The following WNK1 variants were observed in gnomAD, a reference collection of about 807,000 sequenced individuals.
WNK1 encodes WNK lysine deficient protein kinase 1, also known as serine/threonine-protein kinase WNK1.
In WNK1, 38 loss-of-function variants were observed where a neutral mutation model predicts 222.8. The ratio of observed to expected loss-of-function variants is 0.17; its 90% confidence interval spans 0.13 to 0.22. WNK1 has a LOEUF of 0.22. Ranked by LOEUF, WNK1 falls within the 10% of genes least tolerant of loss-of-function variation. The pLI is 1.00. For missense variants in WNK1, 2,348 were observed against 2,918.4 expected (o/e 0.80, Z 4.50); for synonymous variants, 1,090 against 1,092.9 (o/e 1.00, Z 0.05).
At chr12:850,344 CT>C (rs1950328467) in intron 4 of WNK1, among the ~76,000 whole-genome samples, 1 of 152,000 alleles carries the variant, frequency 6.6e-6, no homozygotes, top group African/African-American at 2.4e-5. Flanking sequence ...TTTCATGTGT[CT>C]TTTGGCTGCA....
chr12:758,894 A>C (rs1236821116), intron 1 of WNK1, among the ~76,000 whole-genome samples: 1 of 147,478 alleles, frequency 6.8e-6, no homozygotes, highest in African/African-American at 2.4e-5. Context: ...GTGTAAAACA[A>C]ACCAGGAATC....
chr12:792,491 CT>C (rs1657590165), intron 1 of WNK1, among the ~76,000 whole-genome samples: 1 of 151,286 alleles, frequency 6.6e-6, no homozygotes, highest in Admixed American at 6.6e-5. Flanking sequence ...TTTTTTTGTA[CT>C]TTTAGTAGAT....
intron 1 of WNK1, among the ~76,000 whole-genome samples, chr12:767,466 T>G (rs1941907932): frequency 6.6e-6 from 1 of 151,730 alleles, no homozygotes; most frequent in South Asian, 2.1e-4. Flanking sequence ...TTGGTCGGGC[T>G]GGTCTCAAAC....
intron 4 of WNK1, among the ~76,000 whole-genome samples, chr12:831,293 T>G (rs1045457801): frequency 1.3e-5 from 2 of 151,994 alleles, no homozygotes; most frequent in Non-Finnish European, 2.9e-5. Flanking sequence ...ATCTCAGCAC[T>G]TTGGGAGGCC....
chr12:906,794 C>T (rs529422395), intron 26 of WNK1: 8 of 965,946 alleles, frequency 8.3e-6, no homozygotes, highest in East Asian at 2.3e-4. Context: ...AATCCCAGCA[C>T]TTTGGGAGGC....
At chr12:815,096 TG>T (rs1341247915) in intron 2 of WNK1, among the ~76,000 whole-genome samples, 1 of 152,168 alleles carries the variant, frequency 6.6e-6, no homozygotes, top group Non-Finnish European at 1.5e-5. Context: ...TAAATACAGA[TG>T]AAGCTTTGCT....
Position 863,566 on chromosome 12 carries a change from A to T in WNK1, c.2139+1296A>T, listed in dbSNP as rs561596275. Among the ~76,000 whole-genome samples, 144 of 151,552 alleles carry T rather than the reference A, an allele frequency of 9.5e-4. 2 individuals carry two copies. The highest frequency in any genetic ancestry group is 7.7e-3 in the South Asian group (37 of 4,816). Reference sequence around the variant, plus strand: ...AGATTTTGCTAAGACTTTTTTTTTAAAATTTTCTCTTGTCTATACTCATCA... The same window carrying T: ...AGATTTTGCTAAGACTTTTTTTTTATAATTTTCTCTTGTCTATACTCATCA... On this transcript the variant is annotated intron_variant, in intron 8 of 27. Transcript: ENST00000315939.
chr12:824,630 C>CA (rs1948200047), intron 2 of WNK1, among the ~76,000 whole-genome samples: 1 of 151,018 alleles, frequency 6.6e-6, no homozygotes, highest in South Asian at 2.1e-4. Flanking sequence ...AAAGGATAAA[C>CA]AGGTTTTCTG....
chr12:791,761 G>A (rs1944865665), intron 1 of WNK1, among the ~76,000 whole-genome samples: 1 of 152,014 alleles, frequency 6.6e-6, no homozygotes, highest in Admixed American at 6.5e-5. Flanking sequence ...TATAAATGAT[G>A]CCCTTTCTTG....
chr12:822,443 T>C (rs1947981645), intron 2 of WNK1, among the ~76,000 whole-genome samples: 1 of 152,124 alleles, frequency 6.6e-6, no homozygotes, highest in East Asian at 1.9e-4. Flanking sequence ...TTGCTCCTTA[T>C]CTCCTTCATT....
At chr12:880,257 A>G (rs1953024763) in intron 11 of WNK1, among the ~76,000 whole-genome samples, 1 of 152,240 alleles carries the variant, frequency 6.6e-6, no homozygotes, top group South Asian at 2.1e-4. Flanking sequence ...CTCAGTATTC[A>G]CTGTAAGCTG....
intron 4 of WNK1, among the ~76,000 whole-genome samples, chr12:844,115 T>A (rs1565508112): frequency 6.6e-6 from 1 of 152,148 alleles, no homozygotes; most frequent in Non-Finnish European, 1.5e-5. Flanking sequence ...TTGTTGCTTT[T>A]TAAAAATTTT....
chr12:777,914 C>A (rs189781854), intron 1 of WNK1, among the ~76,000 whole-genome samples: 1 of 152,112 alleles, frequency 6.6e-6, no homozygotes, highest in African/African-American at 2.4e-5. Context: ...AAGCTTCATG[C>A]GGTAAATGTG....
At chr12:754,377 G>C (rs920763847) in intron 1 of WNK1, 53 bp downstream of exon 1, 6 of 1,610,136 alleles carry the variant, frequency 3.7e-6, no homozygotes, top group Non-Finnish European at 4.2e-6. Flanking sequence ...AATTTGGCTC[G>C]GCGAAGCCAG....
intron 1 of WNK1, among the ~76,000 whole-genome samples, chr12:783,454 A>G (rs1943932428): frequency 6.7e-6 from 1 of 149,506 alleles, no homozygotes; most frequent in Non-Finnish European, 1.5e-5. Flanking sequence ...GGAGTTTGAG[A>G]CCAGGCTAGG....
chr12:846,732 T>G lies in WNK1; in HGVS notation c.1312-10429T>G, dbSNP rs72648638. 2.8e-3 allele frequency among the ~76,000 whole-genome samples: 420 copies of G among 152,322 alleles called. 2 individuals carry two copies. Among genetic ancestry groups the G allele is most frequent in the African/African-American group, 9.6e-3 (398 of 41,574 alleles). On this transcript the variant is annotated intron_variant, in intron 4 of 27. Coordinates refer to ENST00000315939, the MANE Select transcript of WNK1 (RefSeq NM_018979.4). ...GATTGCAAGGTTTGAACATTTTGTC[T>G]GGGAAAAAACAGAACTAAAGCCATT... is the stretch of plus-strand genomic sequence containing the variant.
At chr12:906,915 G>A (rs952579689) in intron 26 of WNK1, 4 of 222,044 alleles carry the variant, frequency 1.8e-5, no homozygotes, top group African/African-American at 9.4e-5. Context: ...CATACGTCTA[G>A]TCCCAAGCTA....
intron 8 of WNK1, 88 bp downstream of exon 8, chr12:862,358 C>A: frequency 7.3e-7 from 1 of 1,362,998 alleles, no homozygotes; most frequent in Non-Finnish European, 1.0e-6. Context: ...AACCAAGTAA[C>A]AGTATGAGTC....
At chr12:775,602 A>G (rs150669268) in intron 1 of WNK1, among the ~76,000 whole-genome samples, 1 of 152,246 alleles carries the variant, frequency 6.6e-6, no homozygotes, top group African/African-American at 2.4e-5. Flanking sequence ...AGTCCTAGCT[A>G]TAGTTCAAGG....
Sources: allele counts gnomAD v4.1 joint callset (sites outside exome capture counted in the v4.1 genomes callset), GRCh38; gene constraint gnomAD v4.1.1; transcripts MANE v1.5; gene names NCBI Gene and HGNC (gene_info 2026-07-23, HGNC 2026-07-21).